Variants in SLC31A1 observed in about 807,000 individuals in gnomAD.
The protein encoded by SLC31A1 is high affinity copper uptake protein 1.
A neutral mutation model predicts 17.2 loss-of-function variants in SLC31A1; 5 were observed. That is an observed-to-expected ratio of 0.29 (90% CI 0.15 to 0.61). SLC31A1 has a LOEUF of 0.61. Ranked by LOEUF, SLC31A1 falls within the 20% of genes least tolerant of loss-of-function variation. SLC31A1 has a pLI of 0.86. For missense variants in SLC31A1, 161 were observed against 241.4 expected (o/e 0.67, Z 2.21); for synonymous variants, 76 against 78.8 (o/e 0.96, Z 0.19).
At chr9:113,241,483 A>G (rs1831520391) in intron 1 of SLC31A1, among the ~76,000 whole-genome samples, 1 of 152,206 alleles carries the variant, frequency 6.6e-6, no homozygotes, top group Non-Finnish European at 1.5e-5. Context: ...CTTGCCTGAC[A>G]AGTCCCCAGA....
chr9:113,236,739 G>T (rs1048386638), intron 1 of SLC31A1, among the ~76,000 whole-genome samples: 1 of 152,184 alleles, frequency 6.6e-6, no homozygotes, highest in Non-Finnish European at 1.5e-5. Flanking sequence ...TCTGTTCCTT[G>T]ACTCAGGAAG....
chr9:113,226,135 C>CAA (rs34302331), intron 1 of SLC31A1, among the ~76,000 whole-genome samples: 3 of 119,982 alleles, frequency 2.5e-5, no homozygotes, highest in Admixed American at 8.7e-5. Context: ...GACTCCATCT[C>CAA]AAAAAAAAAA....
At position 113,223,631 on chromosome 9, in the gene SLC31A1, C is replaced by T. The variant is rs527702696; in HGVS notation, c.-36+1953C>T. 7.2e-5 allele frequency among the ~76,000 whole-genome samples: 11 copies of T among 152,252 alleles called. No individual in the cohort carries two copies. The East Asian group carries it at 2.1e-3, about 29-fold the overall frequency. On this transcript the variant is annotated intron_variant, in intron 1 of 4. Transcript: ENST00000374212. ...GAATACTCATAAAATATATTGTCAA[C>T]CCCCAGAAGATTGGCCAGGAAGCAG...
intron 1 of SLC31A1, among the ~76,000 whole-genome samples, chr9:113,226,313 G>A (rs1419220286): frequency 6.6e-6 from 1 of 152,040 alleles, no homozygotes; most frequent in Non-Finnish European, 1.5e-5. Context: ...CCTGATGCCT[G>A]TACTCCCACA....
At chr9:113,244,098 T>G (rs1222866647) in intron 1 of SLC31A1, among the ~76,000 whole-genome samples, 1 of 131,424 alleles carries the variant, frequency 7.6e-6, no homozygotes, top group African/African-American at 3.0e-5. Context: ...GAGCTTTCAG[T>G]GAGCCGAGAT....
chr9:113,229,019 T>A (rs1564203639), intron 1 of SLC31A1, among the ~76,000 whole-genome samples: 1 of 152,154 alleles, frequency 6.6e-6, no homozygotes, highest in Non-Finnish European at 1.5e-5. Flanking sequence ...GCTGATTTTA[T>A]ATTTTTAGTA....
At chr9:113,251,520 C>A (rs890989963) in intron 1 of SLC31A1, among the ~76,000 whole-genome samples, 1 of 146,888 alleles carries the variant, frequency 6.8e-6, no homozygotes, top group Non-Finnish European at 1.5e-5. Flanking sequence ...TTGGAAGAAG[C>A]TGAGCTTAAG....
intron 1 of SLC31A1, among the ~76,000 whole-genome samples, chr9:113,248,527 T>A (rs1831610542): frequency 7.5e-6 from 1 of 133,474 alleles, no homozygotes; most frequent in Non-Finnish European, 1.5e-5. Context: ...TGGAGTGCAA[T>A]GGTGCAGTCT....
chr9:113,222,461 G>C (rs1237593019), intron 1 of SLC31A1, among the ~76,000 whole-genome samples: 1 of 152,098 alleles, frequency 6.6e-6, no homozygotes, highest in African/African-American at 2.4e-5. Context: ...TATCATTCTC[G>C]AAACAATCCT....
chr9:113,221,874 C>T (rs145818823), intron 1 of SLC31A1, among the ~76,000 whole-genome samples, 196 bp downstream of exon 1: 2 of 152,302 alleles, frequency 1.3e-5, no homozygotes, highest in African/African-American at 2.4e-5. Context: ...CCGGGGTGCT[C>T]GGTGCCTCAG....
chr9:113,225,396 C>T (rs1185644163), intron 1 of SLC31A1, among the ~76,000 whole-genome samples: 1 of 152,142 alleles, frequency 6.6e-6, no homozygotes, highest in Admixed American at 6.5e-5. Flanking sequence ...TTCTAAATGG[C>T]ATGATTGATG....
chr9:113,232,974 GTATT>G (rs1024690270), intron 1 of SLC31A1, among the ~76,000 whole-genome samples: 13 of 152,224 alleles, frequency 8.5e-5, no homozygotes, highest in African/African-American at 1.9e-4. Flanking sequence ...GTAAAAATGA[GTATT>G]TATCAAGAAC....
intron 1 of SLC31A1, among the ~76,000 whole-genome samples, chr9:113,233,894 G>T (rs1411686846): frequency 6.6e-6 from 1 of 152,096 alleles, no homozygotes; most frequent in Non-Finnish European, 1.5e-5. Flanking sequence ...ATCACCTTCA[G>T]CATTTATCAT....
chr9:113,245,022 G>A (rs1368694116), intron 1 of SLC31A1, among the ~76,000 whole-genome samples: 1 of 152,104 alleles, frequency 6.6e-6, no homozygotes, highest in Admixed American at 6.5e-5. Flanking sequence ...AACTTTAGGA[G>A]TCTTTAAGTT....
chr9:113,245,849 G>T (rs781203810), intron 1 of SLC31A1, among the ~76,000 whole-genome samples: 1 of 152,004 alleles, frequency 6.6e-6, no homozygotes, highest in Non-Finnish European at 1.5e-5. Context: ...GCCCAGGCGG[G>T]TCTGAAACTC....
Position 113,257,118 on chromosome 9 carries a change from G to C in SLC31A1, c.135G>C (p.Met45Ile), listed in dbSNP as rs780157892. ...GGDSSMMMMP[M>I]TFYFGFKNVE... Reference sequence around the variant, plus strand: ...TTGTTTTGGTTTTCTGGCAGCCTATGACCTTCTACTTTGGCTTTAAGAATG... The same window carrying C: ...TTGTTTTGGTTTTCTGGCAGCCTATCACCTTCTACTTTGGCTTTAAGAATG... Residue 45 changes from methionine (M) to isoleucine (I), a missense_variant, in exon 3 of 5, where the codon ATG (methionine) becomes ATC (isoleucine). Met to Ile is a conservative substitution (Grantham distance 10). Coordinates refer to ENST00000374212, the MANE Select transcript of SLC31A1 (RefSeq NM_001859.4). 2 of 1,613,772 alleles carry C rather than the reference G, an allele frequency of 1.2e-6. No individual in the cohort carries two copies. The highest frequency in any genetic ancestry group is 1.7e-6 in the Non-Finnish European group (2 of 1,179,748).
Position 113,256,288 on chromosome 9 carries a change from T to C in SLC31A1, c.129+11T>C. 1 of 1,613,834 alleles carries C rather than the reference T, an allele frequency of 6.2e-7. No homozygotes were observed. Among genetic ancestry groups the C allele is most frequent in the East Asian group, 2.2e-5 (1 of 44,858 alleles). On this transcript the variant is annotated intron_variant, in intron 2 of 4. Coordinates refer to ENST00000374212, the MANE Select transcript of SLC31A1 (RefSeq NM_001859.4). ...AGCATGATGATGATGGTGAGTGCCA[T>C]AGGAGGGGCAATGCAGGCCCTTTCC... is the stretch of plus-strand genomic sequence containing the variant.
intron 1 of SLC31A1, chr9:113,227,788 A>G (rs1027533259): frequency 2.0e-5 from 3 of 152,250 alleles, no homozygotes; most frequent in African/African-American, 7.2e-5. Context: ...TTAGACAAGG[A>G]GGACCATTGT....
intron 1 of SLC31A1, chr9:113,223,219 G>T (rs4560868): frequency 4.4e-6 from 2 of 451,034 alleles, no homozygotes; most frequent in Non-Finnish European, 8.9e-6. Context: ...ACATGCATAC[G>T]CAGATTATCA....
Sources: gnomAD v4.1 joint callset for allele counts (sites outside exome capture counted in the v4.1 genomes callset) on GRCh38, gnomAD v4.1.1 for gene constraint, MANE v1.5 for transcripts, NCBI Gene and HGNC (gene_info 2026-07-23, HGNC 2026-07-21) for gene names.